CEP120: variants seen among roughly 807,000 people sequenced by gnomAD.
The protein encoded by CEP120 is centrosomal protein of 120 kDa.
A neutral mutation model predicts 126.5 loss-of-function variants in CEP120; 113 were observed. That is an observed-to-expected ratio of 0.89 (90% confidence interval 0.77 to 1.04). The LOEUF (loss-of-function observed/expected upper bound fraction) is 1.04. CEP120 is among the 50% of genes least tolerant of loss of function. The pLI, the probability that CEP120 is intolerant of heterozygous loss-of-function variation, is 0.00. For missense variants in CEP120, 1,230 were observed against 1,155.7 expected (o/e 1.06, Z -0.93); for synonymous variants, 400 against 394.3 (o/e 1.01, Z -0.17).
intron 6 of CEP120, among the ~76,000 whole-genome samples, chr5:123,392,408 T>C (rs1284857411): frequency 6.6e-6 from 1 of 152,240 alleles, no homozygotes; most frequent in African/African-American, 2.4e-5. Flanking sequence ...CATTACTTTA[T>C]TTTAAACAAA....
intron 5 of CEP120, among the ~76,000 whole-genome samples, chr5:123,394,542 A>C (rs2127078791): frequency 6.6e-6 from 1 of 152,310 alleles, no homozygotes; most frequent in East Asian, 1.9e-4. Flanking sequence ...GCCGGTTCCT[A>C]ACAGGCCACA....
intron 8 of CEP120, among the ~76,000 whole-genome samples, chr5:123,388,876 T>C (rs191455611): frequency 3.4e-4 from 52 of 152,332 alleles, no homozygotes; most frequent in African/African-American, 1.2e-3. Flanking sequence ...GAAATATACA[T>C]GACTGCAGCC....
At position 123,395,351 on chromosome 5, in the gene CEP120, G is replaced by A. The variant is rs370011028; in HGVS notation, c.613-1854C>T. ...AAAACTTTATAGTAACATGTGCTAA[G>A]TCACTGATTTGCATCTGAAAAGGTT... is the stretch of plus-strand genomic sequence containing the variant. On this transcript the variant is annotated intron_variant, in intron 5 of 19. Coordinates refer to ENST00000306467, the MANE Select transcript of CEP120 (RefSeq NM_001375405.1). Among the ~76,000 whole-genome samples the A allele has an allele frequency of 1.5e-3, 221 of 152,252 alleles. 1 individual carries two copies. The highest frequency in any genetic ancestry group is 5.2e-3 in the African/African-American group (217 of 41,554).
chr5:123,385,156 T>C, intron 10 of CEP120, 23 bp from the exon 11 acceptor site: 1 of 1,569,690 alleles, frequency 6.4e-7, no homozygotes, highest in Non-Finnish European at 8.6e-7. Flanking sequence ...GAAACATGTG[T>C]TCATACCTAT....
rs761014693 is a variant in CEP120, at chr5:123,385,103, C to T, written c.1611G>A (p.Lys537=). Reference sequence around the variant, plus strand: ...GAAGTAAATCTTTACTCATTTTATCCTTGTGCCATAGTTCAACCAGTAATG... The same window carrying T: ...GAAGTAAATCTTTACTCATTTTATCTTTGTGCCATAGTTCAACCAGTAATG... ...RIPLLVELWH[K]DKMSKDLLLG... is the part of the protein sequence containing the mutation. Residue 537 remains lysine, a synonymous_variant, in exon 11 of 20, where the codon AAG becomes AAA. Transcript: ENST00000306467. 6.2e-7 allele frequency: 1 copy of T among 1,613,126 alleles called. No individual in the cohort carries two copies. The highest frequency in any genetic ancestry group is 1.7e-5 in the Admixed American group (1 of 59,920).
At chr5:123,365,291 T>G (rs970416806) in intron 17 of CEP120, among the ~76,000 whole-genome samples, 1 of 151,688 alleles carries the variant, frequency 6.6e-6, no homozygotes, top group Non-Finnish European at 1.5e-5. Context: ...CAGCAGGCAA[T>G]CTGTTGTACA....
At chr5:123,400,186 AATT>A (rs1455350821) in intron 4 of CEP120, among the ~76,000 whole-genome samples, 1 of 152,198 alleles carries the variant, frequency 6.6e-6, no homozygotes, top group African/African-American at 2.4e-5. Flanking sequence ...ACAGTATAAT[AATT>A]AAGAGCACAG....
chr5:123,370,663 A>G (rs1770788073), intron 17 of CEP120, among the ~76,000 whole-genome samples: 1 of 111,284 alleles, frequency 9.0e-6, no homozygotes, highest in Non-Finnish European at 1.8e-5. Context: ...TATGTTATAT[A>G]TACATATATG....
chr5:123,415,598 G>A (rs1318979903), intron 3 of CEP120, among the ~76,000 whole-genome samples: 1 of 151,872 alleles, frequency 6.6e-6, no homozygotes, highest in Non-Finnish European at 1.5e-5. Context: ...TATTGGCTGG[G>A]TGCAGTGGCT....
chr5:123,377,687 T>C (rs1181146972), intron 15 of CEP120, 152 bp from the exon 16 acceptor site: 1 of 593,816 alleles, frequency 1.7e-6, no homozygotes, highest in Non-Finnish European at 2.8e-6. Flanking sequence ...AATGTTCAAG[T>C]GTACCATTAT....
At position 123,422,936 on chromosome 5, in the gene CEP120, C is replaced by G; in HGVS notation, c.49+14G>C. ...GGAGGCAGCAGTTGCAAAAGCAAGC[C>G]TCAGGCTGCTCACCTTCTAGGATGG... On this transcript the variant is annotated intron_variant, in intron 1 of 19. Coordinates refer to ENST00000306467, the MANE Select transcript of CEP120 (RefSeq NM_001375405.1). 1 of 1,613,732 alleles carries G rather than the reference C, an allele frequency of 6.2e-7. No individual in the cohort carries two copies. The highest frequency in any genetic ancestry group is 2.2e-5 in the East Asian group (1 of 44,886).
At chr5:123,410,078 G>A (rs1391744335) in intron 4 of CEP120, among the ~76,000 whole-genome samples, 2 of 149,630 alleles carry the variant, frequency 1.3e-5, no homozygotes, top group Non-Finnish European at 3.0e-5. Context: ...TTTCTTATAT[G>A]CCAGCAACGA....
chr5:123,348,529 C>T (rs974219596), intron 19 of CEP120, among the ~76,000 whole-genome samples: 8 of 152,174 alleles, frequency 5.3e-5, no homozygotes, highest in African/African-American at 1.7e-4. Context: ...CTGTTAAGCA[C>T]GGTCCTTAAA....
intron 4 of CEP120, 23 bp downstream of exon 4, chr5:123,412,376 G>A (rs1562092235): frequency 6.3e-7 from 1 of 1,585,952 alleles, no homozygotes; most frequent in Non-Finnish European, 8.6e-7. Flanking sequence ...CTCAGAGAAT[G>A]TTTTTAGAGA....
intron 4 of CEP120, chr5:123,400,772 G>T: frequency 1.6e-6 from 1 of 632,228 alleles, no homozygotes; most frequent in Non-Finnish European, 2.8e-6. Context: ...GGGTCCCCAG[G>T]CAGTAAACTC....
At chr5:123,362,481 C>T (rs1770158332) in intron 18 of CEP120, among the ~76,000 whole-genome samples, 1 of 151,798 alleles carries the variant, frequency 6.6e-6, no homozygotes, top group South Asian at 2.1e-4. Flanking sequence ...TCAGTTTCTT[C>T]ATTAGGTTGG....
intron 4 of CEP120, among the ~76,000 whole-genome samples, chr5:123,404,240 G>C (rs1412350705): frequency 1.3e-5 from 2 of 152,192 alleles, no homozygotes; most frequent in East Asian, 3.9e-4. Flanking sequence ...TTTTCACTGA[G>C]GGAAAAAATA....
chr5:123,377,035 T>C (rs900872759), intron 16 of CEP120, among the ~76,000 whole-genome samples: 2 of 151,902 alleles, frequency 1.3e-5, no homozygotes, highest in African/African-American at 4.8e-5. Context: ...GGAGAGGAAA[T>C]AGGAACAGAG....
intron 5 of CEP120, among the ~76,000 whole-genome samples, chr5:123,394,355 T>C (rs1285102390): frequency 1.3e-5 from 2 of 152,226 alleles, no homozygotes; most frequent in African/African-American, 2.4e-5. Flanking sequence ...GAAACTGTTC[T>C]ACCTCAGATC....
Sources: gnomAD v4.1 joint callset for allele counts (sites outside exome capture counted in the v4.1 genomes callset) on GRCh38, gnomAD v4.1.1 for gene constraint, MANE v1.5 for transcripts, NCBI Gene and HGNC (gene_info 2026-07-23, HGNC 2026-07-21) for gene names.